Variants in ZNF407 observed in about 807,000 individuals in gnomAD.
ZNF407 encodes zinc finger protein 407.
In ZNF407, 17 loss-of-function variants were observed where a neutral mutation model predicts 131.2. The observed-to-expected ratio is 0.13, with a 90% CI of 0.09 to 0.19. The LOEUF is 0.19. ZNF407 is among the 10% of genes least tolerant of loss of function. The pLI, the probability that ZNF407 is intolerant of heterozygous loss-of-function variation, is 1.00. For synonymous variants in ZNF407, 1,156 were observed against 1,062.0 expected (o/e 1.09, Z -1.72); for missense variants, 2,681 against 2,830.6 (o/e 0.95, Z 1.20).
intron 3 of ZNF407, among the ~76,000 whole-genome samples, chr18:74,766,342 T>C (rs1365941213): frequency 6.6e-6 from 1 of 152,220 alleles, no homozygotes; most frequent in African/African-American, 2.4e-5. Flanking sequence ...TCCCATCCTA[T>C]GCTTCTTAAA....
At chr18:74,929,256 C>T (rs937288332) in intron 8 of ZNF407, among the ~76,000 whole-genome samples, 10 of 152,220 alleles carry the variant, frequency 6.6e-5, no homozygotes, top group Non-Finnish European at 1.5e-4. Flanking sequence ...GCTTCCTTCC[C>T]GGCTCCCTTC....
intron 8 of ZNF407, among the ~76,000 whole-genome samples, chr18:75,025,830 G>C (rs541777891): frequency 6.6e-6 from 1 of 152,178 alleles, no homozygotes; most frequent in Non-Finnish European, 1.5e-5. Context: ...CCAAGTGTGC[G>C]TGTTCCCCTT....
At chr18:74,955,273 T>C (rs1011305258) in intron 8 of ZNF407, among the ~76,000 whole-genome samples, 17 of 151,976 alleles carry the variant, frequency 1.1e-4, no homozygotes, top group Admixed American at 1.0e-3. Context: ...GGGTCAGGAA[T>C]CTGATGTATT....
chr18:74,958,024 C>A (rs949943843), intron 8 of ZNF407, among the ~76,000 whole-genome samples: 4 of 152,178 alleles, frequency 2.6e-5, no homozygotes, highest in African/African-American at 9.7e-5. Flanking sequence ...AGGAACTGCT[C>A]AGGTATTTGT....
At chr18:75,036,259 T>A (rs1973306976) in intron 8 of ZNF407, among the ~76,000 whole-genome samples, 1 of 152,182 alleles carries the variant, frequency 6.6e-6, no homozygotes, top group Non-Finnish European at 1.5e-5. Context: ...ATAGTATAAT[T>A]CTTTGATTTC....
chr18:74,702,855 T>C (rs569869357), intron 3 of ZNF407, among the ~76,000 whole-genome samples: 2 of 152,302 alleles, frequency 1.3e-5, no homozygotes, highest in East Asian at 3.9e-4. Context: ...GGTCAAGCAG[T>C]CTTTCTAAGA....
chr18:74,691,056 A>G (rs1302115915), intron 3 of ZNF407, among the ~76,000 whole-genome samples: 2 of 152,198 alleles, frequency 1.3e-5, no homozygotes, highest in Admixed American at 6.5e-5. Context: ...AGGCGGGTGG[A>G]TCACCTGAGG....
intron 3 of ZNF407, among the ~76,000 whole-genome samples, chr18:74,773,992 G>A (rs1279695575): frequency 6.6e-6 from 1 of 152,180 alleles, no homozygotes; most frequent in African/African-American, 2.4e-5. Context: ...TGGAAGGCTG[G>A]TTGTACTAGA....
At chr18:74,893,786 G>A (rs987820894) in intron 7 of ZNF407, among the ~76,000 whole-genome samples, 1 of 151,830 alleles carries the variant, frequency 6.6e-6, no homozygotes, top group African/African-American at 2.4e-5. Context: ...TTATCTCACT[G>A]GTTTATTTTC....
intron 4 of ZNF407, among the ~76,000 whole-genome samples, chr18:74,842,297 C>A (rs1322908643): frequency 6.6e-6 from 1 of 151,972 alleles, no homozygotes; most frequent in African/African-American, 2.4e-5. Flanking sequence ...TTGTGTTGGC[C>A]CATAAATTTA....
At chr18:75,046,232 A>T (rs896907422) in intron 8 of ZNF407, among the ~76,000 whole-genome samples, 5 of 152,202 alleles carry the variant, frequency 3.3e-5, no homozygotes, top group African/African-American at 9.7e-5. Context: ...ATACAGCAAC[A>T]TGGGACCAAT....
rs1005104176 is a variant in ZNF407 at position 74,819,536 on chromosome 18, T to C, written c.4877+38034T>C. Among the ~76,000 whole-genome samples the C allele has an allele frequency of 7.2e-5, 11 of 152,280 alleles. 1 individual carries two copies. In the South Asian group the frequency reaches 1.7e-3, roughly 23 times the overall value. ...AATGGGCTTTCCTGGGCAGAACTAT[T>C]GGTGGAGATGAGAGGATGCTGGGTT... On this transcript the variant is annotated intron_variant, in intron 4 of 8. Coordinates refer to ENST00000299687, the MANE Select transcript of ZNF407 (RefSeq NM_017757.3).
At chr18:74,601,190 G>A (rs1300808227) in intron 1 of ZNF407, among the ~76,000 whole-genome samples, 1 of 152,184 alleles carries the variant, frequency 6.6e-6, no homozygotes, top group African/African-American at 2.4e-5. Flanking sequence ...GCCCCAGTAA[G>A]ATACTTCAGT....
intron 1 of ZNF407, among the ~76,000 whole-genome samples, chr18:74,630,167 CTTTTTTTTTT>C (rs1183755965): frequency 8.3e-6 from 1 of 120,272 alleles, no homozygotes; most frequent in Non-Finnish European, 1.7e-5. Flanking sequence ...ACAGTGGTGT[CTTTTTTTTTT>C]TTTTTTTTTT....
chr18:74,996,805 A>C (rs187413353), intron 8 of ZNF407, among the ~76,000 whole-genome samples: 8 of 152,376 alleles, frequency 5.3e-5, no homozygotes, highest in African/African-American at 9.6e-5. Flanking sequence ...CTAACCAATG[A>C]ATTGAATTGT....
intron 7 of ZNF407, among the ~76,000 whole-genome samples, chr18:74,893,924 A>C (rs2145200463): frequency 6.6e-6 from 1 of 152,254 alleles, no homozygotes; most frequent in African/African-American, 2.4e-5. Context: ...ATCTGCAGGC[A>C]GCTTACCATC....
At chr18:74,925,155 T>TA (rs1971897043) in intron 8 of ZNF407, among the ~76,000 whole-genome samples, 1 of 152,202 alleles carries the variant, frequency 6.6e-6, no homozygotes, top group Non-Finnish European at 1.5e-5. Context: ...GTATCACATT[T>TA]AAATTAATTT....
chr18:74,734,707 GTGTT>G (rs769631096), intron 3 of ZNF407, among the ~76,000 whole-genome samples: 4,638 of 125,084 alleles, frequency 0.037, 238 homozygotes, highest in African/African-American at 0.16. Context: ...GTGTGTGTGT[GTGTT>G]TTTGAGAGAA....
chr18:74,819,460 A>G (rs370370590), intron 4 of ZNF407, among the ~76,000 whole-genome samples: 4 of 152,196 alleles, frequency 2.6e-5, no homozygotes, highest in African/African-American at 9.6e-5. Flanking sequence ...TTTTACAAGC[A>G]TACAAGGCCT....
Sources: allele counts gnomAD v4.1 joint callset (sites outside exome capture counted in the v4.1 genomes callset), GRCh38; gene constraint gnomAD v4.1.1; transcripts MANE v1.5; gene names NCBI Gene and HGNC (gene_info 2026-07-23, HGNC 2026-07-21).